Variants in NELL1 observed in about 807,000 individuals in gnomAD.
NELL1 encodes neural EGFL like 1, also known as protein kinase C-binding protein NELL1.
In NELL1, 76 loss-of-function variants were observed where a neutral mutation model predicts 107.4. The observed-to-expected ratio is 0.71, with a 90% CI of 0.59 to 0.86. NELL1 has a LOEUF of 0.86. Among genes scored for constraint, NELL1 ranks in the 40% least tolerant of loss-of-function variants. The pLI, the probability that NELL1 is intolerant of heterozygous loss-of-function variation, is 0.00. For missense variants in NELL1, 1,024 were observed against 1,005.5 expected (o/e 1.02, Z -0.25); for synonymous variants, 353 against 341.2 (o/e 1.03, Z -0.38).
Position 20,956,625 on chromosome 11 carries a change from A to G in NELL1, c.1172-3807A>G, listed in dbSNP as rs558775526. Reference sequence around the variant, plus strand: ...CACGCCACTGCACTCCAGCCTGGGCAACAGAGCGAGACTCCATCTCAAAAA... The same window carrying G: ...CACGCCACTGCACTCCAGCCTGGGCGACAGAGCGAGACTCCATCTCAAAAA... On this transcript the variant is annotated intron_variant, in intron 11 of 19. Transcript: ENST00000357134. Among the ~76,000 whole-genome samples the G allele has an allele frequency of 5.3e-3, 806 of 151,212 alleles. 9 individuals carry two copies. Among genetic ancestry groups the G allele is most frequent in the Non-Finnish European group, 8.3e-3 (561 of 67,764 alleles).
chr11:21,380,884 C>T (rs1015882851), intron 15 of NELL1, among the ~76,000 whole-genome samples: 4 of 151,928 alleles, frequency 2.6e-5, no homozygotes, highest in East Asian at 1.9e-4. Flanking sequence ...TGATCAGAGG[C>T]CTGAGTTTTG....
chr11:20,683,624 C>T (rs576120752), intron 2 of NELL1, among the ~76,000 whole-genome samples: 2 of 152,112 alleles, frequency 1.3e-5, no homozygotes, highest in East Asian at 1.9e-4. Context: ...TAACATTTAA[C>T]ATTTCTTTCT....
At chr11:21,086,723 G>A (rs186035367) in intron 12 of NELL1, among the ~76,000 whole-genome samples, 88 of 151,852 alleles carry the variant, frequency 5.8e-4, no homozygotes, top group African/African-American at 2.1e-3. Flanking sequence ...AAAACTCAGT[G>A]TGACTTTCAG....
At chr11:20,841,776 G>C (rs1014224392) in intron 3 of NELL1, among the ~76,000 whole-genome samples, 3 of 152,060 alleles carry the variant, frequency 2.0e-5, no homozygotes, top group Non-Finnish European at 4.4e-5. Flanking sequence ...AGCCTTTTGA[G>C]GAATCCTAGG....
intron 15 of NELL1, among the ~76,000 whole-genome samples, chr11:21,467,389 A>G (rs1452576818): frequency 6.6e-6 from 1 of 152,096 alleles, no homozygotes; most frequent in African/African-American, 2.4e-5. Flanking sequence ...TAATACAATT[A>G]TATATTTATT....
At chr11:20,940,205 C>G (rs926292332) in intron 10 of NELL1, among the ~76,000 whole-genome samples, 3 of 151,984 alleles carry the variant, frequency 2.0e-5, no homozygotes, top group Non-Finnish European at 4.4e-5. Flanking sequence ...CTCTCTCTCT[C>G]TCTGTATGTG....
intron 13 of NELL1, among the ~76,000 whole-genome samples, chr11:21,156,937 A>C (rs548295482): frequency 3.2e-4 from 30 of 92,504 alleles, no homozygotes. Context: ...TACTAAAAAT[A>C]CAAAAAAAAA....
chr11:21,574,851 T>A, intron 19 of NELL1, 121 bp from the exon 20 acceptor site: 1 of 783,152 alleles, frequency 1.3e-6, no homozygotes, highest in East Asian at 2.6e-5. Flanking sequence ...TCTAGTCATT[T>A]TTTATAGCCT....
chr11:21,504,943 T>G (rs1855242615), intron 15 of NELL1, among the ~76,000 whole-genome samples: 1 of 152,186 alleles, frequency 6.6e-6, no homozygotes, highest in Admixed American at 6.5e-5. Flanking sequence ...CTAAAAGTCA[T>G]GTTTAAAGCT....
intron 2 of NELL1, among the ~76,000 whole-genome samples, chr11:20,687,757 A>G (rs1440369887): frequency 6.6e-6 from 1 of 151,912 alleles, no homozygotes; most frequent in Non-Finnish European, 1.5e-5. Context: ...ACACCCAGCT[A>G]ATTTTTTGTA....
Position 20,669,840 on chromosome 11 carries a change from G to A in NELL1, c.55+62G>A. On this transcript the variant is annotated intron_variant, in intron 1 of 19. Transcript: ENST00000357134. This position sits in a 1 kb window ranked among gnomAD's most constrained non-coding sequence, Gnocchi z 4.4. ...ATGGGGGTGCCCACAGACCACGGCGGCGTGGGGAGACCTGGAGCCGAGCTT... is the reference window on the plus strand; with the variant it reads ...ATGGGGGTGCCCACAGACCACGGCGACGTGGGGAGACCTGGAGCCGAGCTT... 1 of 1,412,436 alleles carries A rather than the reference G, an allele frequency of 7.1e-7. No homozygotes were observed. Among genetic ancestry groups the A allele is most frequent in the Non-Finnish European group, 1.0e-6 (1 of 997,412 alleles). The allele number at this position is 1,412,436 out of a possible 1,614,324, so 87.5% of individuals were successfully genotyped here.
chr11:21,500,133 A>T (rs1292769654), intron 15 of NELL1, among the ~76,000 whole-genome samples: 2 of 152,114 alleles, frequency 1.3e-5, no homozygotes, highest in Admixed American at 6.6e-5. Flanking sequence ...TCAATTTTTT[A>T]AAAAACTACC....
At chr11:21,337,761 TTTC>T (rs1262755087) in intron 14 of NELL1, among the ~76,000 whole-genome samples, 1 of 144,148 alleles carries the variant, frequency 6.9e-6, no homozygotes, top group African/African-American at 2.6e-5. Context: ...TCTTTCTTTC[TTTC>T]TTTCTTTCTT....
At chr11:21,112,462 T>A (rs916949026) in intron 12 of NELL1, among the ~76,000 whole-genome samples, 3 of 152,030 alleles carry the variant, frequency 2.0e-5, no homozygotes, top group Non-Finnish European at 4.4e-5. Flanking sequence ...AATCACCATT[T>A]TCAAGAAGCT....
At chr11:20,929,726 C>G (rs1564972271) in intron 9 of NELL1, among the ~76,000 whole-genome samples, 1 of 152,118 alleles carries the variant, frequency 6.6e-6, no homozygotes, top group Non-Finnish European at 1.5e-5. Flanking sequence ...AATCCCAGCA[C>G]TTTGGGAGGC....
intron 15 of NELL1, among the ~76,000 whole-genome samples, chr11:21,416,835 T>C (rs1016868501): frequency 1.3e-4 from 20 of 152,068 alleles, no homozygotes; most frequent in African/African-American, 4.8e-4. Context: ...AGGTCCTTTG[T>C]TTTCCTTCAA....
chr11:20,795,253 A>T (rs1857147675), intron 3 of NELL1, among the ~76,000 whole-genome samples: 1 of 152,218 alleles, frequency 6.6e-6, no homozygotes, highest in African/African-American at 2.4e-5. Context: ...GTTCCCATGG[A>T]TATCTTAAGT....
chr11:20,975,670 T>C (rs1590485344), intron 12 of NELL1, among the ~76,000 whole-genome samples: 2 of 111,144 alleles, frequency 1.8e-5, no homozygotes, highest in East Asian at 6.0e-4. Context: ...ATAATATACA[T>C]ATTATATATG....
At chr11:21,049,580 G>A (rs1264246847) in intron 12 of NELL1, among the ~76,000 whole-genome samples, 3 of 152,168 alleles carry the variant, frequency 2.0e-5, no homozygotes, top group African/African-American at 7.2e-5. Context: ...TTGATTAAAT[G>A]TGTGGAACTG....
Sources: gnomAD v4.1 joint callset for allele counts (sites outside exome capture counted in the v4.1 genomes callset) on GRCh38, gnomAD v4.1.1 for gene constraint, Gnocchi (gnomAD v3.1) non-coding constraint, MANE v1.5 for transcripts, NCBI Gene and HGNC (gene_info 2026-07-23, HGNC 2026-07-21) for gene names.